ZNF180: variants seen among roughly 807,000 people sequenced by gnomAD.
ZNF180 encodes the protein zinc finger protein 180, also known as zinc finger protein 180 (HHZ168).
In ZNF180, 11 loss-of-function variants were observed where a neutral mutation model predicts 11.8. The observed-to-expected ratio is 0.93, with a 90% CI of 0.59 to 1.55. The LOEUF is 1.55. Ranked by LOEUF, ZNF180 falls within the 40% of genes most tolerant of loss-of-function variation. ZNF180 has a pLI of 0.00. For synonymous variants in ZNF180, 287 were observed against 257.7 expected (o/e 1.11, Z -1.09); for missense variants, 773 against 781.7 (o/e 0.99, Z 0.13).
At chr19:44,479,490 G>A in intron 3 of ZNF180, 81 bp from the exon 4 acceptor site, 1 of 1,564,604 alleles carries the variant, frequency 6.4e-7, no homozygotes, top group South Asian at 1.2e-5. Context: ...CTGACAGATG[G>A]AAAAAGGAAA....
intron 3 of ZNF180, among the ~76,000 whole-genome samples, chr19:44,483,644 G>A (rs1373077828): frequency 5.3e-5 from 8 of 151,728 alleles, no homozygotes; most frequent in South Asian, 2.1e-4. Context: ...CTGATTTTTC[G>A]CAGTGAAAGA....
At chr19:44,482,100 A>T (rs1970095737) in intron 3 of ZNF180, among the ~76,000 whole-genome samples, 1 of 152,146 alleles carries the variant, frequency 6.6e-6, no homozygotes, top group Non-Finnish European at 1.5e-5. Flanking sequence ...CAGCCCAGGA[A>T]TTCAAGACCA....
At chr19:44,489,785 A>AAAAT (rs370422385) in intron 2 of ZNF180, among the ~76,000 whole-genome samples, 1,777 of 143,154 alleles carry the variant, frequency 0.012, 11 homozygotes, top group African/African-American at 0.018. Context: ...GAAATGGGAA[A>AAAAT]AAATAAATAA....
At chr19:44,487,708 T>C (rs2080043661) in intron 2 of ZNF180, among the ~76,000 whole-genome samples, 1 of 152,154 alleles carries the variant, frequency 6.6e-6, no homozygotes, top group Non-Finnish European at 1.5e-5. Flanking sequence ...CTTATTCTTT[T>C]ACTTTTTTGT....
chr19:44,495,335 C>T lies in ZNF180; in HGVS notation c.51+1949G>A, dbSNP rs529812701. Among the ~76,000 whole-genome samples, 1 of 151,954 alleles carries T rather than the reference C, an allele frequency of 6.6e-6. No individual in the cohort carries two copies. The highest frequency in any genetic ancestry group is 2.1e-4 in the South Asian group (1 of 4,810). On this transcript the variant is annotated intron_variant, in intron 2 of 4. Coordinates refer to ENST00000592529, the MANE Select transcript of ZNF180 (RefSeq NM_001278509.3). The surrounding 1 kb of genome is among the most constrained non-coding windows in gnomAD (Gnocchi z 4.5). ...TCACCCTGCTTAGGCTTTGACTCCC[C>T]GGGCTAGGCTGCCCCATCTCTCAGA... is the stretch of plus-strand genomic sequence containing the variant.
intron 3 of ZNF180, among the ~76,000 whole-genome samples, chr19:44,480,729 A>T (rs1052514731): frequency 5.9e-5 from 9 of 152,196 alleles, no homozygotes; most frequent in South Asian, 2.1e-4. Flanking sequence ...TGCAATTTTT[A>T]AAAAAATTTT....
chr19:44,488,208 T>C (rs1555735805), intron 2 of ZNF180, among the ~76,000 whole-genome samples: 1 of 32,624 alleles, frequency 3.1e-5, no homozygotes, highest in Admixed American at 4.1e-4. Flanking sequence ...TCTCCCTCTC[T>C]TTCCACGGTC....
intron 2 of ZNF180, among the ~76,000 whole-genome samples, chr19:44,488,625 T>A (rs1458126287): frequency 6.6e-6 from 1 of 151,890 alleles, no homozygotes; most frequent in Non-Finnish European, 1.5e-5. Flanking sequence ...AACCTCCACC[T>A]CCCAGCTGCC....
intron 2 of ZNF180, among the ~76,000 whole-genome samples, chr19:44,494,134 G>A (rs1020613997): frequency 2.6e-5 from 4 of 152,290 alleles, no homozygotes; most frequent in East Asian, 1.9e-4. Context: ...TATAAGAAGC[G>A]CGTTTCTGGT....
intron 2 of ZNF180, among the ~76,000 whole-genome samples, chr19:44,486,272 C>T (rs1222100810): frequency 6.6e-6 from 1 of 152,168 alleles, no homozygotes; most frequent in Admixed American, 6.5e-5. Context: ...AAGATGTTCT[C>T]AAAAGCATTA....
chr19:44,480,422 C>T (rs77825279), intron 3 of ZNF180, among the ~76,000 whole-genome samples: 4 of 152,174 alleles, frequency 2.6e-5, no homozygotes, highest in East Asian at 1.9e-4. Context: ...CTTTCCCTGG[C>T]GAGTTTATTC....
In ZNF180 at chr19:44,477,091, G is replaced by A. The variant is rs200322560; in HGVS notation, c.1309C>T (p.Pro437Ser). 4 of 1,613,882 alleles carry A rather than the reference G, an allele frequency of 2.5e-6. No individual in the cohort carries two copies. The highest frequency in any genetic ancestry group is 3.4e-6 in the Non-Finnish European group (4 of 1,179,868). The change falls in exon 5 of 5, where the codon CCC becomes TCC. Residue 437 changes from proline (P) to serine (S), a missense_variant. Physicochemically the swap from Pro to Ser is moderately conservative, Grantham distance 74 (BLOSUM62 -1). Transcript: ENST00000592529. ...TTCCCACATTGATTACATTCATAGGGCTTCTCTCCGGTATGTGTTCTTTGA... is the reference window on the plus strand; with the variant it reads ...TTCCCACATTGATTACATTCATAGGACTTCTCTCCGGTATGTGTTCTTTGA... Reference protein sequence around the residue: ...AHQRTHTGEKPYECNQCGKSF... With the variant: ...AHQRTHTGEKSYECNQCGKSF...
intron 1 of ZNF180, among the ~76,000 whole-genome samples, chr19:44,499,158 C>G (rs182751541): frequency 2.0e-5 from 3 of 152,200 alleles, no homozygotes. Context: ...CATAATCAGC[C>G]CCAGGACTTG....
At chr19:44,481,766 G>A (rs1406830552) in intron 3 of ZNF180, among the ~76,000 whole-genome samples, 1 of 152,184 alleles carries the variant, frequency 6.6e-6, no homozygotes, top group Non-Finnish European at 1.5e-5. Flanking sequence ...GTAAGTGAAT[G>A]AACACTATCA....
chr19:44,490,063 AG>A (rs1970403239), intron 2 of ZNF180, among the ~76,000 whole-genome samples: 1 of 143,236 alleles, frequency 7.0e-6, no homozygotes. Flanking sequence ...AAAGAGGGAA[AG>A]GAAGGGAAAG....
At chr19:44,491,027 A>G (rs781081042) in intron 2 of ZNF180, among the ~76,000 whole-genome samples, 2 of 152,194 alleles carry the variant, frequency 1.3e-5, no homozygotes, top group Admixed American at 6.5e-5. Context: ...AGTGAGTTTC[A>G]TAAGAGCTGA....
At position 44,476,797 on chromosome 19, in the gene ZNF180, A is replaced by T. The variant is rs1248964536; in HGVS notation, c.1603T>A (p.Ser535Thr). 6.2e-7 allele frequency: 1 copy of T among 1,614,120 alleles called. No homozygotes were observed. The change falls in exon 5 of 5, where the codon TCT becomes ACT. Residue 535 changes from serine to threonine, a missense_variant. Physicochemically the swap from Ser to Thr is moderately conservative, Grantham distance 58. Transcript: ENST00000592529. ...ATTCTCTGATGCATAACAAGGTGAG[A>T]ACTGCGGTTAAAAGATTTTCCACAT... is the stretch of plus-strand genomic sequence containing the variant. ...SECGKSFNRS[S>T]HLVMHQRIHT...
At position 44,480,534 on chromosome 19, in the gene ZNF180, C is replaced by T. The variant is rs766864263; in HGVS notation, c.127-1125G>A. 5.9e-5 allele frequency among the ~76,000 whole-genome samples: 9 copies of T among 152,272 alleles called. No homozygotes were observed. The East Asian group carries it at 9.6e-4, about 16-fold the overall frequency. On this transcript the variant is annotated intron_variant, in intron 3 of 4. Coordinates refer to ENST00000592529, the MANE Select transcript of ZNF180 (RefSeq NM_001278509.3). ...CTAGCAGAGTTTACTGATGAAACAA[C>T]GAAGGCCAGCAATTACAGGCTGAGT...
At chr19:44,480,048 G>A (rs1399789201) in intron 3 of ZNF180, among the ~76,000 whole-genome samples, 2 of 152,178 alleles carry the variant, frequency 1.3e-5, no homozygotes, top group African/African-American at 4.8e-5. Context: ...CAAAGACTTG[G>A]CTTTCTCACC....
Sources: gnomAD v4.1 joint callset for allele counts (sites outside exome capture counted in the v4.1 genomes callset) on GRCh38, gnomAD v4.1.1 for gene constraint, Gnocchi (gnomAD v3.1) non-coding constraint, MANE v1.5 for transcripts, NCBI Gene and HGNC (gene_info 2026-07-23, HGNC 2026-07-21) for gene names.